Variants in SUPT5H observed in about 807,000 individuals in gnomAD.
SUPT5H encodes the protein SPT5 homolog, DSIF elongation factor subunit, also known as transcription elongation factor SPT5.
SUPT5H carries 24 observed loss-of-function variants against 142.5 expected under a neutral mutation model. That is an observed-to-expected ratio of 0.17 (90% confidence interval 0.12 to 0.24). The LOEUF (loss-of-function observed/expected upper bound fraction) is 0.24, where lower values mean the gene tolerates loss of function less well. Ranked by LOEUF, SUPT5H falls within the 10% of genes least tolerant of loss-of-function variation. The probability of loss-of-function intolerance (pLI) is 1.00; values close to 1 mark genes in which losing one functional copy is unlikely to be tolerated. For missense variants in SUPT5H, 893 were observed against 1,471.8 expected, an observed-to-expected ratio of 0.61 and a Z score of 6.43; for synonymous variants, 546 against 553.0, an observed-to-expected ratio of 0.99 and a Z score of 0.18.
Position 39,458,237 on chromosome 19 carries a change from AC to A in SUPT5H, c.308-55del. 1.0e-5 allele frequency: 4 copies of A among 386,686 alleles called. No individual in the cohort carries two copies. The highest frequency in any genetic ancestry group is 7.3e-5 in the Admixed American group (1 of 13,780). 24.0% of individuals were successfully genotyped at this position (386,686 alleles called of 1,614,324 possible). A position where few individuals can be genotyped will look rare whatever the true frequency, so the allele number is the denominator to read the frequency against. On this transcript the variant is annotated intron_variant, in intron 4 of 29. Transcript: ENST00000432763. The surrounding 1 kb of genome is among the most constrained non-coding windows in gnomAD (Gnocchi z 4.2). ...CATACTTTGTCTGCCCTCGCCCACCACCACCACCACCACCACCACCACCACC... is the reference window on the plus strand; with the variant it reads ...CATACTTTGTCTGCCCTCGCCCACCACACCACCACCACCACCACCACCACC...
chr19:39,451,206 T>TG (rs151311744), intron 2 of SUPT5H, among the ~76,000 whole-genome samples: 16 of 150,156 alleles, frequency 1.1e-4, no homozygotes, highest in African/African-American at 3.9e-4. Flanking sequence ...TTTTTTTTTT[T>TG]GAGACAGAGT....
At position 39,469,364 on chromosome 19, in the gene SUPT5H, A is replaced by G. The variant is rs931365422; in HGVS notation, c.1340A>G (p.Lys447Arg). Residue 447 changes from lysine (K) to arginine (R), a missense_variant, in exon 16 of 30, where the codon AAG becomes AGG. Physicochemically the swap from Lys to Arg is conservative, Grantham distance 26. This residue lies in a region of SUPT5H where 428 missense variants were observed against 763.5 expected (regional missense o/e 0.56). Transcript: ENST00000432763. The surrounding 1 kb of genome is among the most constrained non-coding windows in gnomAD (Gnocchi z 5.1). Reference protein sequence around the residue: ...QGKILSVDGNKITIMPKHEDL... With the variant: ...QGKILSVDGNRITIMPKHEDL... ...AAGATCCTCAGCGTGGATGGCAACA[A>G]GATCACCATCATGCCCAAGCATGAG... is the stretch of plus-strand genomic sequence containing the variant. 3.7e-6 allele frequency: 6 copies of G among 1,614,122 alleles called. No individual in the cohort carries two copies. In the African/African-American group the frequency reaches 8.0e-5, roughly 22 times the overall value.
Position 39,474,353 on chromosome 19 carries a change from C to G in SUPT5H, c.2771C>G (p.Thr924Ser). The change falls in exon 27 of 30, where the codon ACC becomes AGC. Residue 924 changes from threonine (T) to serine (S), a missense_variant. This residue lies in a region of SUPT5H where 336 missense variants were observed against 546.5 expected (regional missense o/e 0.61). Transcript: ENST00000432763. This position sits in a 1 kb window ranked among gnomAD's most constrained non-coding sequence, Gnocchi z 6.5. ...VAPSPAGYQNTHSPASYHPTP... is the reference protein window; with the variant it reads ...VAPSPAGYQNSHSPASYHPTP... ...CCAAGCCCAGCAGGCTACCAGAATA[C>G]CCACTCCCCAGCCAGCTACCACCCT... 1 of 1,614,150 alleles carries G rather than the reference C, an allele frequency of 6.2e-7. No individual in the cohort carries two copies. The highest frequency in any genetic ancestry group is 8.5e-7 in the Non-Finnish European group (1 of 1,180,020).
At chr19:39,461,832 AAAAAAAAAT>A (rs1204925751) in intron 10 of SUPT5H, among the ~76,000 whole-genome samples, 77 of 149,192 alleles carry the variant, frequency 5.2e-4, no homozygotes, top group Non-Finnish European at 1.0e-3. Context: ...AAAAAAAAAA[AAAAAAAAAT>A]AATAATAATA....
Position 39,470,094 on chromosome 19 carries a change from G to T in SUPT5H, c.1375-25G>T, listed in dbSNP as rs762383756. ...TGTGGTGGTCTCCCTTCACCTGTTT[G>T]TTGTCCCCACACCCAATCCCCCAGG... On this transcript the variant is annotated intron_variant, in intron 16 of 29. Transcript: ENST00000432763. This position sits in a 1 kb window ranked among gnomAD's most constrained non-coding sequence, Gnocchi z 5.8. The T allele has an allele frequency of 6.2e-7, 1 of 1,607,146 alleles. No homozygotes were observed. The highest frequency in any genetic ancestry group is 1.7e-5 in the Admixed American group (1 of 59,446).
intron 18 of SUPT5H, 134 bp from the exon 19 acceptor site, chr19:39,471,223 C>A: frequency 9.3e-7 from 1 of 1,079,164 alleles, no homozygotes; most frequent in Non-Finnish European, 1.3e-6. Flanking sequence ...TGCCCCGCAG[C>A]CAGGGAATTG....
Position 39,470,102 on chromosome 19 carries a change from C to T in SUPT5H, c.1375-17C>T. ...TCTCCCTTCACCTGTTTGTTGTCCC[C>T]ACACCCAATCCCCCAGGACATGTTG... On this transcript the variant is annotated splice_polypyrimidine_tract_variant and intron_variant, in intron 16 of 29. Transcript: ENST00000432763. This position sits in a 1 kb window ranked among gnomAD's most constrained non-coding sequence, Gnocchi z 5.8. 1 of 1,610,464 alleles carries T rather than the reference C, an allele frequency of 6.2e-7. No individual in the cohort carries two copies. Among genetic ancestry groups the T allele is most frequent in the Non-Finnish European group, 8.5e-7 (1 of 1,177,728 alleles).
At position 39,458,852 on chromosome 19, in the gene SUPT5H, T is replaced by C; in HGVS notation, c.354T>C (p.Asp118=). The C allele has an allele frequency of 6.2e-7, 1 of 1,613,658 alleles. No individual in the cohort carries two copies. The highest frequency in any genetic ancestry group is 8.5e-7 in the Non-Finnish European group (1 of 1,179,720). The part of the protein sequence containing the change: ...SNIDNVVLDE[D]RSGARRLQNL... ...TCGATAATGTTGTCCTGGATGAAGA[T>C]CGTTCTGGGGCTCGCCGCCTGCAAA... is the stretch of plus-strand genomic sequence containing the variant. The change falls in exon 6 of 30, where the codon GAT becomes GAC. Residue 118 remains aspartate, a synonymous_variant. Coordinates refer to ENST00000432763, the MANE Select transcript of SUPT5H (RefSeq NM_001111020.3). This position sits in a 1 kb window ranked among gnomAD's most constrained non-coding sequence, Gnocchi z 4.2.
rs1199801932 is a variant in SUPT5H, at chr19:39,466,918, C to T, written c.1037+173C>T. 6 of 638,676 alleles carry T rather than the reference C, an allele frequency of 9.4e-6. No homozygotes were observed. Among genetic ancestry groups the T allele is most frequent in the Non-Finnish European group, 1.6e-5 (6 of 364,280 alleles). 39.6% of individuals were successfully genotyped at this position (638,676 alleles called of 1,614,324 possible). On this transcript the variant is annotated intron_variant, in intron 13 of 29. Coordinates refer to ENST00000432763, the MANE Select transcript of SUPT5H (RefSeq NM_001111020.3). This position sits in a 1 kb window ranked among gnomAD's most constrained non-coding sequence, Gnocchi z 4.3. ...TCACATCCCTGTGCCTCAGTTTCTT[C>T]TGCTATAAAGATTGATGAGGCTGGG...
chr19:39,461,563 C>G (rs970845949), intron 10 of SUPT5H, among the ~76,000 whole-genome samples: 9 of 152,140 alleles, frequency 5.9e-5, no homozygotes, highest in Non-Finnish European at 1.2e-4. Context: ...TGGCTCACGC[C>G]TGTAATCCCA....
At chr19:39,457,877 C>T in intron 4 of SUPT5H, 137 bp downstream of exon 4, 3 of 1,428,564 alleles carry the variant, frequency 2.1e-6, no homozygotes, top group Non-Finnish European at 2.9e-6. Flanking sequence ...TTCTGTCCTT[C>T]CCAGAGAGAC....
intron 2 of SUPT5H, among the ~76,000 whole-genome samples, chr19:39,449,979 C>T (rs949968541): frequency 5.3e-5 from 8 of 151,026 alleles, no homozygotes; most frequent in Admixed American, 1.3e-4. Flanking sequence ...ACTTTGTCAC[C>T]CATGCTGGGG....
chr19:39,473,924 A>G lies in SUPT5H; in HGVS notation c.2493-39A>G, dbSNP rs2079362688. ...CTGTTCTGGAAGCATCCATCGCATT[A>G]TCACCACAGTCGCTGTCAACAGACT... On this transcript the variant is annotated intron_variant, in intron 25 of 29. Transcript: ENST00000432763. The surrounding 1 kb of genome is among the most constrained non-coding windows in gnomAD (Gnocchi z 5.8). The G allele has an allele frequency of 1.9e-6, 3 of 1,613,474 alleles. No individual in the cohort carries two copies. The East Asian group carries it at 6.7e-5, about 36-fold the overall frequency.
Position 39,473,431 on chromosome 19 carries a change from A to G in SUPT5H, c.2402A>G (p.His801Arg). ...TPLQDGSRTP[H>R]YGSQTPLHDG... ...CCCATTCCAGGTAGCCGCACCCCAC[A>G]CTACGGCTCACAGACGCCCCTGCAT... is the stretch of plus-strand genomic sequence containing the variant. Residue 801 changes from histidine (H) to arginine (R), a missense_variant, in exon 25 of 30, where the codon CAC becomes CGC. His to Arg is a conservative substitution (Grantham distance 29). Around this residue, in one of 6 missense-constraint regions of SUPT5H, gnomAD observed 336 missense variants for 546.5 expected, o/e 0.61. Transcript: ENST00000432763. This position sits in a 1 kb window ranked among gnomAD's most constrained non-coding sequence, Gnocchi z 5.8. 2.5e-6 allele frequency: 4 copies of G among 1,613,098 alleles called. No individual in the cohort carries two copies. The highest frequency in any genetic ancestry group is 3.4e-6 in the Non-Finnish European group (4 of 1,179,830).
intron 3 of SUPT5H, among the ~76,000 whole-genome samples, 154 bp downstream of exon 3, chr19:39,453,675 C>G (rs918528423): frequency 9.2e-5 from 14 of 152,196 alleles, no homozygotes; most frequent in African/African-American, 2.9e-4. Flanking sequence ...TGCCATTCTC[C>G]TGCCTCAGCC....
chr19:39,473,834 G>C lies in SUPT5H; in HGVS notation c.2493-129G>C. Reference sequence around the variant, plus strand: ...AGCTGTGGAAGGGAAATAACATCAGGAGTGCCTCTGGATGGGGCTCCCGTG... The same window carrying C: ...AGCTGTGGAAGGGAAATAACATCAGCAGTGCCTCTGGATGGGGCTCCCGTG... On this transcript the variant is annotated intron_variant, in intron 25 of 29. Coordinates refer to ENST00000432763, the MANE Select transcript of SUPT5H (RefSeq NM_001111020.3). This position sits in a 1 kb window ranked among gnomAD's most constrained non-coding sequence, Gnocchi z 5.8. 7.9e-7 allele frequency: 1 copy of C among 1,269,928 alleles called. No individual in the cohort carries two copies. The highest frequency in any genetic ancestry group is 1.1e-6 in the Non-Finnish European group (1 of 884,500). The allele number at this position is 1,269,928 out of a possible 1,614,324, so 78.7% of individuals were successfully genotyped here.
At position 39,469,941 on chromosome 19, in the gene SUPT5H, C is replaced by T. The variant is rs559029896; in HGVS notation, c.1375-178C>T. ...CAGGTTGGTGTCCTGTGTCTGGGGTCAGCTGTTTCTGGGGCAGTCTGAGGG... is the reference window on the plus strand; with the variant it reads ...CAGGTTGGTGTCCTGTGTCTGGGGTTAGCTGTTTCTGGGGCAGTCTGAGGG... On this transcript the variant is annotated intron_variant, in intron 16 of 29. Transcript: ENST00000432763. The surrounding 1 kb of genome is among the most constrained non-coding windows in gnomAD (Gnocchi z 5.1). 1.3e-4 allele frequency: 97 copies of T among 759,254 alleles called. No individual in the cohort carries two copies. In the South Asian group the frequency reaches 1.4e-3, roughly 11 times the overall value. 47.0% of individuals were successfully genotyped at this position (759,254 alleles called of 1,614,324 possible).
In SUPT5H at chr19:39,469,612, G is replaced by C; in HGVS notation, c.1374+214G>C. 1.5e-6 allele frequency: 1 copy of C among 646,570 alleles called. No individual in the cohort carries two copies. The highest frequency in any genetic ancestry group is 2.6e-6 in the Non-Finnish European group (1 of 377,900). The allele number at this position is 646,570 out of a possible 1,614,324, so 40.1% of individuals were successfully genotyped here. ...GCCTGGTGGTGTCTGTCTCTGGAGAGTGACTTGGTCTATCTTTTGTTTCTG... is the reference window on the plus strand; with the variant it reads ...GCCTGGTGGTGTCTGTCTCTGGAGACTGACTTGGTCTATCTTTTGTTTCTG... On this transcript the variant is annotated intron_variant, in intron 16 of 29. Transcript: ENST00000432763. This position sits in a 1 kb window ranked among gnomAD's most constrained non-coding sequence, Gnocchi z 5.1.
Position 39,445,635 on chromosome 19 carries a change from G to C in SUPT5H, c.-90G>C. ...TACCGAAGGCGGAGGTGGAGCCCGAGAGGTAAGTGCGTGTGCAGAGGTGGC... is the reference window on the plus strand; with the variant it reads ...TACCGAAGGCGGAGGTGGAGCCCGACAGGTAAGTGCGTGTGCAGAGGTGGC... On this transcript the variant is annotated splice_region_variant and 5_prime_UTR_variant, in exon 1 of 30. Coordinates refer to ENST00000432763, the MANE Select transcript of SUPT5H (RefSeq NM_001111020.3). 2 of 492,508 alleles carry C rather than the reference G, an allele frequency of 4.1e-6. No individual in the cohort carries two copies. Among genetic ancestry groups the C allele is most frequent in the South Asian group, 2.7e-5 (1 of 36,430 alleles). 30.5% of individuals were successfully genotyped at this position (492,508 alleles called of 1,614,324 possible).
Sources: allele counts gnomAD v4.1 joint callset (sites outside exome capture counted in the v4.1 genomes callset), GRCh38; gene constraint gnomAD v4.1.1; regional missense constraint gnomAD v4.1.1; non-coding constraint Gnocchi (gnomAD v3.1); transcripts MANE v1.5; gene names NCBI Gene and HGNC (gene_info 2026-07-23, HGNC 2026-07-21).